TLN2: variants seen among roughly 807,000 people sequenced by gnomAD.
TLN2 encodes the protein talin 2, also known as talin-2.
Under a neutral mutation model 294.7 loss-of-function variants are expected in TLN2, and 118 were observed. That is an observed-to-expected ratio of 0.40 (90% CI 0.34 to 0.47). The LOEUF (loss-of-function observed/expected upper bound fraction) is 0.47. Among genes scored for constraint, TLN2 ranks in the 20% least tolerant of loss-of-function variants. The pLI is 0.84. For synonymous variants in TLN2, 1,431 were observed against 1,304.5 expected, an observed-to-expected ratio of 1.10 and a Z score of -2.09; for missense variants, 3,083 against 3,282.2, an observed-to-expected ratio of 0.94 and a Z score of 1.48.
rs1457222840 is a variant in TLN2 at position 62,842,443 on chromosome 15, C to T, written c.*1833C>T. 6.6e-6 allele frequency: 1 copy of T among 152,266 alleles called. No homozygotes were observed. Among genetic ancestry groups the T allele is most frequent in the East Asian group, 1.9e-4 (1 of 5,166 alleles). 9.4% of individuals were successfully genotyped at this position (152,266 alleles called of 1,614,324 possible). On this transcript the variant is annotated 3_prime_UTR_variant, in exon 59 of 59. Coordinates refer to ENST00000636159, the MANE Select transcript of TLN2 (RefSeq NM_015059.3). ...CTGAGAGGAGGGGCACACGTGCTTC[C>T]AGAGACACTCAGGAGTCAGACCCCA...
chr15:62,755,462 G>A, intron 36 of TLN2, 70 bp from the exon 37 acceptor site: 8 of 1,530,130 alleles, frequency 5.2e-6, no homozygotes, highest in Non-Finnish European at 7.0e-6. Flanking sequence ...GGAACCCAGG[G>A]CTGAGGACCG....
chr15:62,623,037 C>G (rs140907141), intron 3 of TLN2, among the ~76,000 whole-genome samples: 12 of 152,184 alleles, frequency 7.9e-5, no homozygotes, highest in Admixed American at 6.5e-4. Context: ...GGGTGATCAA[C>G]GTGGCCTCCA....
chr15:62,594,092 G>C (rs924203260), intron 2 of TLN2, among the ~76,000 whole-genome samples: 1 of 152,216 alleles, frequency 6.6e-6, no homozygotes, highest in African/African-American at 2.4e-5. Flanking sequence ...ATGCTACAAA[G>C]TGATAGTAAT....
At position 62,702,182 on chromosome 15, in the gene TLN2, G is replaced by A. The variant is rs778824933; in HGVS notation, c.1887G>A (p.Val629=). 1 of 1,603,270 alleles carries A rather than the reference G, an allele frequency of 6.2e-7. No homozygotes were observed. The highest frequency in any genetic ancestry group is 8.5e-7 in the Non-Finnish European group (1 of 1,174,312). The change falls in exon 18 of 59, where the codon GTG becomes GTA. Residue 629 remains valine, a synonymous_variant. Transcript: ENST00000636159. ...AGAVSDLLKA[V]QPTSGEPRQT... ...CGGTGTCAGACTTGCTGAAAGCTGT[G>A]CAGCCTACTTCTGGAGAGGTAAGCT...
chr15:62,519,198 C>G (rs2040334671), intron 1 of TLN2, among the ~76,000 whole-genome samples: 2 of 152,198 alleles, frequency 1.3e-5, no homozygotes, highest in South Asian at 4.2e-4. Flanking sequence ...TGAGACAAAC[C>G]CTTTCCTCCT....
rs183035410 is a variant in TLN2 at position 62,563,963 on chromosome 15, G to A, written c.-237-25724G>A. Among the ~76,000 whole-genome samples, 240 of 152,300 alleles carry A rather than the reference G, an allele frequency of 1.6e-3. 1 individual carries two copies. The highest frequency in any genetic ancestry group is 3.4e-3 in the Middle Eastern group (1 of 294). ...GGGAGACCTGACCTTACTCCTTTTG[G>A]TATTGCCCAGCATATAGCCGAGTGC... is the stretch of plus-strand genomic sequence containing the variant. On this transcript the variant is annotated intron_variant, in intron 1 of 58. Transcript: ENST00000636159.
At chr15:62,732,299 G>A (rs2060775604) in intron 28 of TLN2, among the ~76,000 whole-genome samples, 1 of 152,208 alleles carries the variant, frequency 6.6e-6, no homozygotes, top group South Asian at 2.1e-4. Flanking sequence ...TCTAGTTGGT[G>A]TCTGAAAAAC....
At chr15:62,652,310 T>C (rs2140945850) in intron 6 of TLN2, among the ~76,000 whole-genome samples, 176 bp downstream of exon 6, 1 of 152,312 alleles carries the variant, frequency 6.6e-6, no homozygotes, top group Middle Eastern at 3.4e-3. Flanking sequence ...CATGAAACAT[T>C]TGGACTTCTC....
At chr15:62,782,700 G>A (rs544987427) in intron 44 of TLN2, among the ~76,000 whole-genome samples, 13 of 152,332 alleles carry the variant, frequency 8.5e-5, no homozygotes, top group East Asian at 1.9e-4. Context: ...CTCAGTGTGC[G>A]TTCCTTGGCG....
intron 2 of TLN2, among the ~76,000 whole-genome samples, chr15:62,596,618 G>C (rs1342439374): frequency 6.6e-6 from 1 of 151,922 alleles, no homozygotes; most frequent in Admixed American, 6.6e-5. Flanking sequence ...CGTGCCTGCA[G>C]TTCCAGCTAC....
chr15:62,655,452 T>A (rs2053095783), intron 7 of TLN2, among the ~76,000 whole-genome samples: 1 of 152,204 alleles, frequency 6.6e-6, no homozygotes, highest in African/African-American at 2.4e-5. Context: ...ACTTTCATTT[T>A]CTTCCTCTTT....
At chr15:62,690,168 C>G in intron 12 of TLN2, 1 of 157,738 alleles carries the variant, frequency 6.3e-6, no homozygotes, top group Non-Finnish European at 1.4e-5. Context: ...CACCTCCCTC[C>G]CGGACGGGGT....
chr15:62,701,745 G>A (rs868806056), intron 17 of TLN2, among the ~76,000 whole-genome samples: 1 of 152,178 alleles, frequency 6.6e-6, no homozygotes, highest in African/African-American at 2.4e-5. Flanking sequence ...GTGAGATGCC[G>A]AGACATCCTC....
chr15:62,629,297 A>G (rs765005613), intron 3 of TLN2, among the ~76,000 whole-genome samples: 56 of 152,174 alleles, frequency 3.7e-4, no homozygotes, highest in Non-Finnish European at 6.0e-4. Context: ...AGTAAATGAG[A>G]TAAACATTGT....
intron 1 of TLN2, among the ~76,000 whole-genome samples, chr15:62,496,965 AAGT>A (rs1444031263): frequency 6.6e-6 from 1 of 152,132 alleles, no homozygotes; most frequent in African/African-American, 2.4e-5. Flanking sequence ...TGGTGATGGT[AAGT>A]AGTCTCCAGT....
chr15:62,509,199 G>C (rs1464688835), intron 1 of TLN2, among the ~76,000 whole-genome samples: 1 of 152,164 alleles, frequency 6.6e-6, no homozygotes, highest in African/African-American at 2.4e-5. Flanking sequence ...GACTATGATG[G>C]CTTTGGAGTG....
chr15:62,759,034 C>G (rs995300487), intron 37 of TLN2, among the ~76,000 whole-genome samples: 2 of 152,190 alleles, frequency 1.3e-5, no homozygotes, highest in Non-Finnish European at 2.9e-5. Context: ...GAGCAGGCTC[C>G]GGGCTTGGGA....
At chr15:62,606,969 C>T (rs1482879824) in intron 2 of TLN2, among the ~76,000 whole-genome samples, 1 of 152,126 alleles carries the variant, frequency 6.6e-6, no homozygotes, top group Non-Finnish European at 1.5e-5. Flanking sequence ...CCGCCGCTGC[C>T]ACCATCATCA....
intron 3 of TLN2, among the ~76,000 whole-genome samples, chr15:62,618,755 C>T (rs1204620956): frequency 6.6e-6 from 1 of 152,206 alleles, no homozygotes; most frequent in East Asian, 1.9e-4. Flanking sequence ...TTTTCTGAAG[C>T]TCTCCAGTTT....
Sources: allele counts gnomAD v4.1 joint callset (sites outside exome capture counted in the v4.1 genomes callset), GRCh38; gene constraint gnomAD v4.1.1; transcripts MANE v1.5; gene names NCBI Gene and HGNC (gene_info 2026-07-23, HGNC 2026-07-21).